Variants in SARNP observed in about 807,000 individuals in gnomAD.
SARNP encodes SAP domain-containing ribonucleoprotein.
Under a neutral mutation model 38.1 loss-of-function variants are expected in SARNP, and 5 were observed. That is an observed-to-expected ratio of 0.13 (90% confidence interval 0.07 to 0.28). SARNP has a LOEUF of 0.28. Among genes scored for constraint, SARNP ranks in the 10% least tolerant of loss-of-function variants. The probability of loss-of-function intolerance (pLI) is 1.00; values close to 1 mark genes in which losing one functional copy is unlikely to be tolerated. For synonymous variants in SARNP, 84 were observed against 80.6 expected, an observed-to-expected ratio of 1.04 and a Z score of -0.23; for missense variants, 180 against 243.9, an observed-to-expected ratio of 0.74 and a Z score of 1.75.
At chr12:55,787,813 A>G (rs1406525130) in intron 9 of SARNP, among the ~76,000 whole-genome samples, 2 of 150,460 alleles carry the variant, frequency 1.3e-5, no homozygotes, top group African/African-American at 2.5e-5. Flanking sequence ...CAGTGGTGCA[A>G]TCTCAGCTCA....
chr12:55,768,784 C>A (rs534758048), intron 9 of SARNP, among the ~76,000 whole-genome samples: 66 of 152,224 alleles, frequency 4.3e-4, no homozygotes, highest in African/African-American at 1.5e-3. Flanking sequence ...AGTGCAATGG[C>A]ACGATCTCGG....
At chr12:55,759,799 G>GC (rs1458430685) in intron 10 of SARNP, among the ~76,000 whole-genome samples, 1 of 151,662 alleles carries the variant, frequency 6.6e-6, no homozygotes, top group East Asian at 1.9e-4. Flanking sequence ...GTACAGTGGC[G>GC]CCATCCAGGT....
At chr12:55,767,664 G>A (rs974629099) in intron 9 of SARNP, among the ~76,000 whole-genome samples, 18 of 151,710 alleles carry the variant, frequency 1.2e-4, no homozygotes, top group African/African-American at 2.7e-4. Context: ...TGGCTAACAC[G>A]GTGAAACCCC....
intron 9 of SARNP, among the ~76,000 whole-genome samples, chr12:55,773,453 T>C (rs1235284463): frequency 6.6e-6 from 1 of 152,196 alleles, no homozygotes; most frequent in Non-Finnish European, 1.5e-5. Flanking sequence ...AAGAGAGATG[T>C]GAAGAAATCA....
At chr12:55,811,527 G>A (rs1473254218) in intron 1 of SARNP, among the ~76,000 whole-genome samples, 1 of 152,088 alleles carries the variant, frequency 6.6e-6, no homozygotes, top group Non-Finnish European at 1.5e-5. Context: ...CCCTGATTGT[G>A]CCACTACACT....
intron 1 of SARNP, among the ~76,000 whole-genome samples, chr12:55,815,566 CCTCAGCCTCCT>C (rs1880456964): frequency 6.6e-6 from 1 of 152,186 alleles, no homozygotes; most frequent in Admixed American, 6.5e-5. Context: ...GATTCTTGTG[CCTCAGCCTCCT>C]CACAGCCTCC....
intron 9 of SARNP, 62 bp from the exon 10 acceptor site, chr12:55,760,702 AT>A (rs1239560655): frequency 9.0e-7 from 1 of 1,109,154 alleles, no homozygotes; most frequent in Non-Finnish European, 1.4e-6. Context: ...GTAAATGGGA[AT>A]GAAATGATAA....
chr12:55,781,794 C>CTGCA lies in SARNP; in HGVS notation c.501+7277_501+7280dup, dbSNP rs1210662787. Among the ~76,000 whole-genome samples, 5 of 152,296 alleles carry CTGCA rather than the reference C, an allele frequency of 3.3e-5. No homozygotes were observed. The South Asian group carries it at 8.3e-4, about 25-fold the overall frequency. On this transcript the variant is annotated intron_variant, in intron 9 of 10. Coordinates refer to ENST00000336133, the MANE Select transcript of SARNP (RefSeq NM_033082.4). ...AATGCAGTGATGCCATCATGGCTTA[C>CTGCA]TGCAGCCTTGACCTCCTGGACTCAA...
At chr12:55,810,894 T>C (rs969565173) in intron 1 of SARNP, among the ~76,000 whole-genome samples, 2 of 151,750 alleles carry the variant, frequency 1.3e-5, no homozygotes, top group South Asian at 4.2e-4. Context: ...CTGGCCAACA[T>C]GGTGAAACTC....
chr12:55,791,232 G>C (rs1341490833), intron 7 of SARNP, among the ~76,000 whole-genome samples: 1 of 152,110 alleles, frequency 6.6e-6, no homozygotes, highest in Non-Finnish European at 1.5e-5. Context: ...TTTCTTTTTG[G>C]GGTGATAAGC....
At chr12:55,780,150 A>G (rs1879298750) in intron 9 of SARNP, among the ~76,000 whole-genome samples, 1 of 152,036 alleles carries the variant, frequency 6.6e-6, no homozygotes, top group African/African-American at 2.4e-5. Context: ...CTTGTCTCCA[A>G]ATAAGTAAAT....
intron 10 of SARNP, 55 bp from the exon 11 acceptor site, chr12:55,757,608 G>C: frequency 7.0e-7 from 1 of 1,429,838 alleles, no homozygotes; most frequent in Admixed American, 2.0e-5. Context: ...AGTTGCCTGG[G>C]TTCCTGGCTG....
At chr12:55,800,695 C>G in intron 3 of SARNP, 66 bp from the exon 4 acceptor site, 5 of 1,383,082 alleles carry the variant, frequency 3.6e-6, no homozygotes, top group Non-Finnish European at 5.1e-6. Context: ...AAAAGAAGAA[C>G]ATCAGAACTC....
At chr12:55,785,836 C>T (rs1029243916) in intron 9 of SARNP, among the ~76,000 whole-genome samples, 11 of 151,674 alleles carry the variant, frequency 7.3e-5, no homozygotes, top group Non-Finnish European at 1.5e-4. Flanking sequence ...TGCAGTGTCA[C>T]TATCATGGCT....
At chr12:55,768,091 A>T (rs1878897141) in intron 9 of SARNP, among the ~76,000 whole-genome samples, 1 of 151,948 alleles carries the variant, frequency 6.6e-6, no homozygotes, top group African/African-American at 2.4e-5. Context: ...AAGTCCTATT[A>T]ACCATCTCCC....
chr12:55,782,158 A>G (rs1038009358), intron 9 of SARNP, among the ~76,000 whole-genome samples: 2 of 152,240 alleles, frequency 1.3e-5, no homozygotes, highest in Non-Finnish European at 2.9e-5. Flanking sequence ...GGCTGGAAGT[A>G]GAAAAACTCT....
intron 7 of SARNP, chr12:55,793,743 T>C (rs573290363): frequency 8.5e-5 from 13 of 152,780 alleles, no homozygotes; most frequent in African/African-American, 3.1e-4. Context: ...ATGACTAAAA[T>C]GGGAACGTAC....
At chr12:55,786,162 T>C (rs919476165) in intron 9 of SARNP, among the ~76,000 whole-genome samples, 1 of 152,262 alleles carries the variant, frequency 6.6e-6, no homozygotes, top group African/African-American at 2.4e-5. Flanking sequence ...TGAAATACTA[T>C]AAAAATAACA....
chr12:55,762,046 G>C (rs1056636104), intron 9 of SARNP: 1 of 152,344 alleles, frequency 6.6e-6, no homozygotes, highest in South Asian at 2.1e-4. Context: ...CCAGCACTTT[G>C]GGAGGCCAAG....
Sources: gnomAD v4.1 joint callset for allele counts (sites outside exome capture counted in the v4.1 genomes callset) on GRCh38, gnomAD v4.1.1 for gene constraint, MANE v1.5 for transcripts, NCBI Gene and HGNC (gene_info 2026-07-23, HGNC 2026-07-21) for gene names.